Variants in BFSP1 observed in about 807,000 individuals in gnomAD.
BFSP1 encodes filensin.
Under a neutral mutation model 43.9 loss-of-function variants are expected in BFSP1, and 38 were observed. The ratio of observed to expected loss-of-function variants is 0.87; its 90% CI spans 0.67 to 1.14. BFSP1 has a LOEUF of 1.14. BFSP1 is among the 50% of genes most tolerant of loss of function. The pLI is 0.00. For synonymous variants in BFSP1, 352 were observed against 354.8 expected (o/e 0.99, Z 0.09); for missense variants, 850 against 875.1 (o/e 0.97, Z 0.36).
chr20:17,503,830 T>C (rs578172952), intron 5 of BFSP1, among the ~76,000 whole-genome samples: 8 of 152,184 alleles, frequency 5.3e-5, no homozygotes, highest in African/African-American at 1.9e-4. Flanking sequence ...TCTGAAGACA[T>C]GGGAAAGTCA....
At chr20:17,552,308 T>C (rs2034907938) in intron 1 of BFSP1, among the ~76,000 whole-genome samples, 1 of 151,994 alleles carries the variant, frequency 6.6e-6, no homozygotes, top group Non-Finnish European at 1.5e-5. Context: ...TATAATAGGA[T>C]GTGCCTGGTT....
Position 17,531,270 on chromosome 20 carries a change from C to T in BFSP1, c.60G>A (p.Glu20=), listed in dbSNP as rs1357488856. The T allele has an allele frequency of 6.9e-7, 1 of 1,456,404 alleles. No homozygotes were observed. Among genetic ancestry groups the T allele is most frequent in the Non-Finnish European group, 9.0e-7 (1 of 1,106,608 alleles). The allele number at this position is 1,456,404 out of a possible 1,614,324, so 90.2% of individuals were successfully genotyped here. A position where few individuals can be genotyped will look rare whatever the true frequency, so the allele number is the denominator to read the frequency against. Residue 20 remains glutamate (E), a synonymous_variant, in exon 1 of 8, where the codon GAG becomes GAA. Transcript: ENST00000377873. ...GCTCGGGCTCGGCGGCGCGCGAAGC[C>T]TCGTCGGCGTGCTCGTACTGCTCCT... ...TRKEQYEHAD[E]ASRAAEPERP...
chr20:17,531,226 C>T lies in BFSP1; in HGVS notation c.104G>A (p.Trp35Ter). The T allele has an allele frequency of 7.2e-7, 1 of 1,384,904 alleles. No individual in the cohort carries two copies. Among genetic ancestry groups the T allele is most frequent in the Non-Finnish European group, 9.4e-7 (1 of 1,068,628 alleles). The allele number at this position is 1,384,904 out of a possible 1,614,324, so 85.8% of individuals were successfully genotyped here. A position where few individuals can be genotyped will look rare whatever the true frequency, so the allele number is the denominator to read the frequency against. ...AEPERPADEG[W>*]AGATSLAALQ... ...CGCCGCCAGGCTCGTTGCCCCAGCC[C>T]AGCCCTCGTCGGCCGGGCGCTCGGG... Residue 35 changes from tryptophan (W) to a stop codon, truncating the protein, a stop_gained, in exon 1 of 8, where the codon TGG becomes TAG. Transcript: ENST00000377873. LOFTEE classifies it high-confidence loss of function.
At chr20:17,504,530 A>G (rs1281331227) in intron 5 of BFSP1, among the ~76,000 whole-genome samples, 1 of 152,152 alleles carries the variant, frequency 6.6e-6, no homozygotes, top group Non-Finnish European at 1.5e-5. Context: ...AGGGCATCTC[A>G]GAGGAAGAAA....
chr20:17,546,709 CA>C (rs201594995), intron 1 of BFSP1, among the ~76,000 whole-genome samples: 8 of 150,942 alleles, frequency 5.3e-5, no homozygotes, highest in Admixed American at 2.6e-4. Context: ...ATTTAAAAAA[CA>C]AAAAAAACAA....
chr20:17,553,882 TATAC>T (rs1433956284), intron 1 of BFSP1, among the ~76,000 whole-genome samples: 1,445 of 132,122 alleles, frequency 0.011, 55 homozygotes, highest in African/African-American at 0.039. Context: ...CATATATATA[TATAC>T]ACACATATAT....
chr20:17,544,366 C>G (rs1030745506), intron 1 of BFSP1, among the ~76,000 whole-genome samples: 4 of 152,170 alleles, frequency 2.6e-5, no homozygotes, highest in African/African-American at 9.7e-5. Context: ...CAGAAAGTGG[C>G]AGATGGTTTA....
At chr20:17,544,265 C>G (rs2034765980) in intron 1 of BFSP1, among the ~76,000 whole-genome samples, 1 of 152,188 alleles carries the variant, frequency 6.6e-6, no homozygotes, top group African/African-American at 2.4e-5. Flanking sequence ...GGACGCGAAG[C>G]TGGGTACTTA....
chr20:17,566,117 C>CAA (rs34133165), intron 1 of BFSP1, among the ~76,000 whole-genome samples: 51 of 88,310 alleles, frequency 5.8e-4, no homozygotes, highest in African/African-American at 1.7e-3. Flanking sequence ...GACTCCGTCT[C>CAA]AAAAAAAAAA....
At chr20:17,553,798 C>T (rs368684501) in intron 1 of BFSP1, among the ~76,000 whole-genome samples, 9,179 of 61,426 alleles carry the variant, frequency 0.15, 742 homozygotes, top group African/African-American at 0.31. Flanking sequence ...TATATATACA[C>T]ACACACACAC....
intron 1 of BFSP1, among the ~76,000 whole-genome samples, chr20:17,537,391 G>T (rs2034644250): frequency 6.6e-6 from 1 of 151,976 alleles, no homozygotes; most frequent in Non-Finnish European, 1.5e-5. Context: ...CTGTAGGAAG[G>T]GTCACAGCAG....
intron 7 of BFSP1, among the ~76,000 whole-genome samples, chr20:17,496,357 G>C (rs1014450796): frequency 2.0e-5 from 3 of 152,224 alleles, no homozygotes; most frequent in African/African-American, 7.2e-5. Flanking sequence ...GTTCAGAACT[G>C]GGAGATTTCG....
intron 2 of BFSP1, among the ~76,000 whole-genome samples, chr20:17,521,122 A>G (rs1224197432): frequency 6.6e-6 from 1 of 151,848 alleles, no homozygotes; most frequent in Non-Finnish European, 1.5e-5. Context: ...TTTGGTGACC[A>G]TGAGATCTAG....
At chr20:17,563,722 C>T (rs1395883636), upstream of BFSP1, among the ~76,000 whole-genome samples, 5 of 151,558 alleles carry the variant, frequency 3.3e-5, no homozygotes, top group Non-Finnish European at 2.9e-5. Context: ...TTTCCACACA[C>T]GAAATATTTA....
At position 17,508,950 on chromosome 20, in the gene BFSP1, A is replaced by G; in HGVS notation, c.674T>C (p.Leu225Pro). Residue 225 changes from leucine (L) to proline (P), a missense_variant, in exon 5 of 8, where the codon CTG becomes CCG. Transcript: ENST00000377873. The stretch of plus-strand genomic sequence containing the variant: ...GGAGAGCACCTCCCGGCCCTCCTCC[A>G]GCTGACTCCGCAGGGCGGCCACCTC... ...EREVAALRSQLEEGREVLSHL... is the reference protein window; with the variant it reads ...EREVAALRSQPEEGREVLSHL... 1.9e-6 allele frequency: 3 copies of G among 1,604,730 alleles called. No homozygotes were observed. The highest frequency in any genetic ancestry group is 2.6e-6 in the Non-Finnish European group (3 of 1,176,414).
rs756823445 is a variant in BFSP1 at position 17,494,521 on chromosome 20, G to C, written c.1551C>G (p.Pro517=). Residue 517 remains proline, a synonymous_variant, in exon 8 of 8, where the codon CCC becomes CCG. Transcript: ENST00000377873. The part of the protein sequence containing the change: ...DGQVEPSPES[P]KPPLENGQVG... The stretch of plus-strand genomic sequence containing the variant: ...CCTGCCCATTCTCTAAAGGGGGCTT[G>C]GGTGACTCAGGAGAGGGCTCCACCT... 6.2e-7 allele frequency: 1 copy of C among 1,614,080 alleles called. No individual in the cohort carries two copies. Among genetic ancestry groups the C allele is most frequent in the Non-Finnish European group, 8.5e-7 (1 of 1,180,044 alleles).
intron 1 of BFSP1, among the ~76,000 whole-genome samples, chr20:17,557,162 A>T (rs1393435092): frequency 6.6e-6 from 1 of 152,246 alleles, no homozygotes; most frequent in East Asian, 1.9e-4. Flanking sequence ...TGAGTGGAAA[A>T]GCAAAGGGAG....
chr20:17,499,242 ATTTTTT>A (rs11339300), intron 5 of BFSP1, among the ~76,000 whole-genome samples: 57 of 129,640 alleles, frequency 4.4e-4, no homozygotes, highest in Non-Finnish European at 2.6e-4. Context: ...TCCTTACACA[ATTTTTT>A]TTTTTTTTTT....
chr20:17,550,158 C>T (rs117681625), intron 1 of BFSP1, among the ~76,000 whole-genome samples: 191 of 152,252 alleles, frequency 1.3e-3, no homozygotes, highest in Middle Eastern at 6.8e-3. Context: ...CTGACCCAGA[C>T]ACCAAGAGGG....
Sources: gnomAD v4.1 joint callset for allele counts (sites outside exome capture counted in the v4.1 genomes callset) on GRCh38, gnomAD v4.1.1 for gene constraint, MANE v1.5 for transcripts, NCBI Gene and HGNC (gene_info 2026-07-23, HGNC 2026-07-21) for gene names.